The following COP1 variants were observed in gnomAD, a reference collection of about 807,000 sequenced individuals.
The protein encoded by COP1 is E3 ubiquitin-protein ligase COP1.
In COP1, 24 loss-of-function variants were observed where a neutral mutation model predicts 101.3. The observed-to-expected ratio is 0.24, with a 90% CI of 0.17 to 0.33. COP1 has a LOEUF of 0.33. Among genes scored for constraint, COP1 ranks in the 10% least tolerant of loss-of-function variants. The pLI is 1.00. For missense variants in COP1, 663 were observed against 906.2 expected (o/e 0.73, Z 3.45); for synonymous variants, 347 against 341.9 (o/e 1.01, Z -0.17).
Position 175,987,115 on chromosome 1 carries a change from T to C in COP1, c.1973-12A>G. ...GTTATTTTCACTTCCTGAAAACAAATAATAATAATAGTATTTTAGAATAGA... is the reference window on the plus strand; with the variant it reads ...GTTATTTTCACTTCCTGAAAACAAACAATAATAATAGTATTTTAGAATAGA... On this transcript the variant is annotated splice_polypyrimidine_tract_variant and intron_variant, in intron 17 of 19. Coordinates refer to ENST00000367669, the MANE Select transcript of COP1 (RefSeq NM_022457.7). 1.5e-6 allele frequency: 2 copies of C among 1,297,830 alleles called. No homozygotes were observed. The highest frequency in any genetic ancestry group is 2.1e-6 in the Non-Finnish European group (2 of 933,526). The allele number at this position is 1,297,830 out of a possible 1,614,324, so 80.4% of individuals were successfully genotyped here.
intron 14 of COP1, among the ~76,000 whole-genome samples, chr1:176,029,079 A>T (rs1481782369): frequency 6.6e-6 from 1 of 152,112 alleles, no homozygotes; most frequent in Non-Finnish European, 1.5e-5. Context: ...GTGTGTGCAT[A>T]TGACTGTATA....
At chr1:176,132,526 C>T (rs895427105) in intron 8 of COP1, among the ~76,000 whole-genome samples, 20 of 149,718 alleles carry the variant, frequency 1.3e-4, no homozygotes, top group Non-Finnish European at 2.5e-4. Context: ...TATATACACA[C>T]ACACATATAT....
intron 3 of COP1, chr1:176,168,684 TC>T: frequency 6.5e-6 from 2 of 305,760 alleles, no homozygotes; most frequent in Non-Finnish European, 1.3e-5. Flanking sequence ...CCTTTCAGGA[TC>T]AGGAGAGGGA....
chr1:176,148,163 C>A (rs1292068428), intron 6 of COP1, among the ~76,000 whole-genome samples: 1 of 151,754 alleles, frequency 6.6e-6, no homozygotes, highest in Non-Finnish European at 1.5e-5. Flanking sequence ...ACTAAATTAG[C>A]AACAGTTGAG....
chr1:176,164,351 CTT>C (rs1015030530), intron 3 of COP1, among the ~76,000 whole-genome samples: 2 of 152,216 alleles, frequency 1.3e-5, no homozygotes, highest in Non-Finnish European at 2.9e-5. Context: ...CCATCCTACT[CTT>C]TTTCTTGATA....
At chr1:175,979,729 T>C (rs1048076090) in intron 18 of COP1, among the ~76,000 whole-genome samples, 2 of 152,074 alleles carry the variant, frequency 1.3e-5, no homozygotes, top group African/African-American at 4.8e-5. Flanking sequence ...ATATGAATGG[T>C]TCATGTCAGC....
intron 11 of COP1, among the ~76,000 whole-genome samples, chr1:176,067,195 T>C (rs1344383314): frequency 1.3e-5 from 2 of 152,124 alleles, no homozygotes; most frequent in Non-Finnish European, 2.9e-5. Context: ...TGTGTCAATG[T>C]AGGTACAAAT....
chr1:176,006,570 C>G (rs1260466788), intron 15 of COP1, among the ~76,000 whole-genome samples: 1 of 152,038 alleles, frequency 6.6e-6, no homozygotes, highest in Non-Finnish European at 1.5e-5. Context: ...TCAGCATTTG[C>G]TGGTCTGTAA....
chr1:176,066,951 T>C, intron 11 of COP1, among the ~76,000 whole-genome samples: 1 of 152,174 alleles, frequency 6.6e-6, no homozygotes, highest in East Asian at 1.9e-4. Context: ...CAGGGACAGA[T>C]GGAATAAGTA....
At chr1:176,045,455 G>A (rs1227524249) in intron 12 of COP1, among the ~76,000 whole-genome samples, 1 of 151,864 alleles carries the variant, frequency 6.6e-6, no homozygotes, top group Non-Finnish European at 1.5e-5. Context: ...AGATAAAAAA[G>A]GTTCAAGGAT....
chr1:176,050,513 G>A (rs1266476799), intron 11 of COP1, among the ~76,000 whole-genome samples: 1 of 152,152 alleles, frequency 6.6e-6, no homozygotes, highest in African/African-American at 2.4e-5. Flanking sequence ...GTTGTCAAAG[G>A]TCTCATTCTC....
chr1:176,075,587 T>G (rs868017107), intron 11 of COP1, among the ~76,000 whole-genome samples: 1 of 152,198 alleles, frequency 6.6e-6, no homozygotes, highest in Non-Finnish European at 1.5e-5. Context: ...TTTTAAGAGA[T>G]GCAGATAAGT....
At chr1:175,962,345 T>A (rs558963197) in intron 18 of COP1, among the ~76,000 whole-genome samples, 2 of 152,276 alleles carry the variant, frequency 1.3e-5, no homozygotes, top group African/African-American at 4.8e-5. Context: ...AAAGATGAGA[T>A]GGTACTGAGA....
intron 11 of COP1, among the ~76,000 whole-genome samples, chr1:176,054,831 T>C (rs1673171169): frequency 6.6e-6 from 1 of 152,204 alleles, no homozygotes; most frequent in African/African-American, 2.4e-5. Flanking sequence ...TTTTAGCTAC[T>C]ATCCTATTGC....
chr1:176,083,283 T>C (rs929989810), intron 10 of COP1, among the ~76,000 whole-genome samples: 2 of 152,314 alleles, frequency 1.3e-5, no homozygotes, highest in African/African-American at 4.8e-5. Context: ...AATTCCTAAG[T>C]ACATAAAACT....
At chr1:176,192,028 G>A (rs1699164617) in intron 1 of COP1, among the ~76,000 whole-genome samples, 1 of 152,058 alleles carries the variant, frequency 6.6e-6, no homozygotes, top group African/African-American at 2.4e-5. Context: ...CAATGGAGTA[G>A]GAAGGAAAGG....
At chr1:176,157,534 T>C (rs1693663880) in intron 5 of COP1, among the ~76,000 whole-genome samples, 1 of 152,046 alleles carries the variant, frequency 6.6e-6, no homozygotes, top group African/African-American at 2.4e-5. Context: ...CCAAGAAATA[T>C]ACATGCATCA....
intron 9 of COP1, among the ~76,000 whole-genome samples, chr1:176,114,262 G>A (rs541815867): frequency 2.6e-4 from 40 of 151,980 alleles, no homozygotes; most frequent in Non-Finnish European, 4.6e-4. Context: ...TTTCATGACC[G>A]TTCAGAAACA....
intron 15 of COP1, among the ~76,000 whole-genome samples, chr1:176,005,004 C>G (rs558330379): frequency 6.6e-6 from 1 of 151,960 alleles, no homozygotes; most frequent in Non-Finnish European, 1.5e-5. Flanking sequence ...GGTTGGTAAG[C>G]TATTGATTCT....
Sources: gnomAD v4.1 joint callset for allele counts (sites outside exome capture counted in the v4.1 genomes callset) on GRCh38, gnomAD v4.1.1 for gene constraint, MANE v1.5 for transcripts, NCBI Gene and HGNC (gene_info 2026-07-23, HGNC 2026-07-21) for gene names.